EML1: variants seen among roughly 807,000 people sequenced by gnomAD.
EML1 encodes the protein EMAP like 1.
EML1 carries 27 observed loss-of-function variants against 110.4 expected under a neutral mutation model. The ratio of observed to expected loss-of-function variants is 0.24; its 90% confidence interval spans 0.18 to 0.34. The LOEUF (loss-of-function observed/expected upper bound fraction) is 0.34, where lower values mean the gene tolerates loss of function less well. Ranked by LOEUF, EML1 falls within the 10% of genes least tolerant of loss-of-function variation. The probability of loss-of-function intolerance (pLI) is 1.00; values close to 1 mark genes in which losing one functional copy is unlikely to be tolerated. For synonymous variants in EML1, 344 were observed against 385.8 expected, an observed-to-expected ratio of 0.89 and a Z score of 1.27; for missense variants, 741 against 1,030.9, an observed-to-expected ratio of 0.72 and a Z score of 3.85.
intron 1 of EML1, among the ~76,000 whole-genome samples, chr14:99,754,522 A>C (rs535359665): frequency 1.3e-5 from 2 of 152,278 alleles, no homozygotes; most frequent in South Asian, 2.1e-4. Flanking sequence ...CCCAGGACCC[A>C]CTTTGGTGGT....
At chr14:99,829,267 C>T (rs1181091717) in intron 1 of EML1, among the ~76,000 whole-genome samples, 1 of 152,120 alleles carries the variant, frequency 6.6e-6, no homozygotes, top group Admixed American at 6.5e-5. Context: ...CCTCTCAGTG[C>T]CTCTGGAGGA....
chr14:99,910,922 A>G (rs1182662943), intron 12 of EML1, among the ~76,000 whole-genome samples: 1 of 152,194 alleles, frequency 6.6e-6, no homozygotes, highest in Non-Finnish European at 1.5e-5. Flanking sequence ...CAAGGATCTT[A>G]GAGTTTGAAT....
intron 1 of EML1, among the ~76,000 whole-genome samples, chr14:99,748,498 G>A (rs2057139076): frequency 6.6e-6 from 1 of 151,736 alleles, no homozygotes; most frequent in South Asian, 2.1e-4. Context: ...ACCCAGCGCA[G>A]TGACTCACAC....
intron 1 of EML1, among the ~76,000 whole-genome samples, chr14:99,782,251 T>A (rs1230183705): frequency 6.6e-6 from 1 of 152,142 alleles, no homozygotes; most frequent in Non-Finnish European, 1.5e-5. Flanking sequence ...AGGACTGGGT[T>A]TAAATCCCAG....
At position 99,908,100 on chromosome 14, in the gene EML1, G is replaced by A. The variant is rs999565553; in HGVS notation, c.1104+367G>A. ...GCCCGGAAATGTGCTCAGGCGTGAGGTGGGCTTGCTGCCTGAGCCCCTGCA... is the reference window on the plus strand; with the variant it reads ...GCCCGGAAATGTGCTCAGGCGTGAGATGGGCTTGCTGCCTGAGCCCCTGCA... On this transcript the variant is annotated intron_variant, in intron 10 of 21. Transcript: ENST00000262233. Among the ~76,000 whole-genome samples the A allele has an allele frequency of 9.9e-5, 15 of 152,232 alleles. No individual in the cohort carries two copies. In the East Asian group the frequency reaches 2.7e-3, roughly 27 times the overall value.
At chr14:99,815,973 G>A (rs574611441) in intron 1 of EML1, among the ~76,000 whole-genome samples, 170 of 152,186 alleles carry the variant, frequency 1.1e-3, no homozygotes, top group Non-Finnish European at 2.2e-3. Flanking sequence ...CTTCAGTTAC[G>A]GCAGCTGCTG....
chr14:99,820,974 G>A (rs903025696), intron 1 of EML1, among the ~76,000 whole-genome samples: 4 of 151,984 alleles, frequency 2.6e-5, no homozygotes, highest in Non-Finnish European at 5.9e-5. Context: ...TTCAAGCAGA[G>A]GCTGGATGAT....
Position 99,891,109 on chromosome 14 carries a change from A to T in EML1, c.519-90A>T, listed in dbSNP as rs139119498. On this transcript the variant is annotated intron_variant, in intron 4 of 21. Transcript: ENST00000262233. ...AACTTATGCAGCATTTGTGTGGCAGACTACTGCAGCCGTGGCTTTGGGGTC... is the reference window on the plus strand; with the variant it reads ...AACTTATGCAGCATTTGTGTGGCAGTCTACTGCAGCCGTGGCTTTGGGGTC... The T allele has an allele frequency of 3.7e-4, 547 of 1,466,922 alleles. 4 individuals carry two copies. In the African/African-American group the frequency reaches 6.7e-3, roughly 18 times the overall value. 90.9% of individuals were successfully genotyped at this position (1,466,922 alleles called of 1,614,324 possible).
At chr14:99,815,434 C>T (rs1299973500) in intron 1 of EML1, among the ~76,000 whole-genome samples, 1 of 152,062 alleles carries the variant, frequency 6.6e-6, no homozygotes, top group Admixed American at 6.5e-5. Flanking sequence ...AGCCACTGCG[C>T]CCTGCTGAGG....
chr14:99,923,712 G>C (rs1009660713), intron 17 of EML1, among the ~76,000 whole-genome samples: 1 of 152,188 alleles, frequency 6.6e-6, no homozygotes, highest in Non-Finnish European at 1.5e-5. Context: ...TGTCACTGCT[G>C]CAAATTTGTT....
At chr14:99,897,895 G>A (rs1227868928) in intron 7 of EML1, among the ~76,000 whole-genome samples, 1 of 152,050 alleles carries the variant, frequency 6.6e-6, no homozygotes, top group Non-Finnish European at 1.5e-5. Flanking sequence ...TCCTGTTCAC[G>A]AAAGATGGTA....
rs911977475 is a variant in EML1, at chr14:99,941,208, T to C, written c.*1096T>C. ...AAATTTGTCAAGAAGGCCTTATCCA[T>C]TTCGATTGTGTGACAGATTGAAATT... On this transcript the variant is annotated 3_prime_UTR_variant, in exon 22 of 22. Coordinates refer to ENST00000262233, the MANE Select transcript of EML1 (RefSeq NM_004434.3). 4 of 152,262 alleles carry C rather than the reference T, an allele frequency of 2.6e-5. No homozygotes were observed. Among genetic ancestry groups the C allele is most frequent in the Non-Finnish European group, 5.9e-5 (4 of 68,048 alleles). The allele number at this position is 152,262 out of a possible 1,614,324, so 9.4% of individuals were successfully genotyped here.
intron 16 of EML1, 89 bp downstream of exon 16, chr14:99,917,938 A>G: frequency 1.5e-6 from 2 of 1,338,538 alleles, no homozygotes; most frequent in South Asian, 2.4e-5. Flanking sequence ...GCCCCCGTTC[A>G]GCTCTTGGCT....
At chr14:99,893,426 A>G (rs7144083) in intron 5 of EML1, among the ~76,000 whole-genome samples, 14,914 of 152,126 alleles carry the variant, frequency 0.098, 2,515 homozygotes, top group African/African-American at 0.34. Flanking sequence ...GCTGGCACAC[A>G]TAGGCAGGGA....
At chr14:99,924,832 G>A (rs1325038029) in intron 17 of EML1, among the ~76,000 whole-genome samples, 2 of 152,084 alleles carry the variant, frequency 1.3e-5, no homozygotes, top group Non-Finnish European at 2.9e-5. Flanking sequence ...TGCATCTGTT[G>A]GGATTATTAT....
chr14:99,851,730 A>T (rs1394825109), intron 2 of EML1, among the ~76,000 whole-genome samples: 2 of 152,064 alleles, frequency 1.3e-5, no homozygotes, highest in African/African-American at 4.8e-5. Context: ...ATCTCTTTAT[A>T]TGCACTTAGC....
chr14:99,774,814 G>T (rs1428210546), intron 1 of EML1, among the ~76,000 whole-genome samples: 1 of 152,192 alleles, frequency 6.6e-6, no homozygotes, highest in African/African-American at 2.4e-5. Flanking sequence ...GAAGGAGGGG[G>T]TGGCTTGCCA....
chr14:99,937,695 G>A, intron 19 of EML1, 122 bp from the exon 20 acceptor site: 1 of 774,832 alleles, frequency 1.3e-6, no homozygotes, highest in Non-Finnish European at 2.1e-6. Context: ...CTGGGAAGTG[G>A]AAGGTCTCCC....
intron 2 of EML1, among the ~76,000 whole-genome samples, chr14:99,852,120 T>C (rs2058819774): frequency 6.6e-6 from 1 of 152,214 alleles, no homozygotes; most frequent in Admixed American, 6.5e-5. Flanking sequence ...AATTAGACAA[T>C]GTTGGAAATA....
Sources: gnomAD v4.1 joint callset for allele counts (sites outside exome capture counted in the v4.1 genomes callset) on GRCh38, gnomAD v4.1.1 for gene constraint, MANE v1.5 for transcripts, NCBI Gene and HGNC (gene_info 2026-07-23, HGNC 2026-07-21) for gene names.